The following ZNF335 variants were observed in gnomAD, a reference collection of about 807,000 sequenced individuals.
The protein encoded by ZNF335 is zinc finger protein 335, also known as NRC-interacting factor 1.
In ZNF335, 84 loss-of-function variants were observed where a neutral mutation model predicts 145.6. The ratio of observed to expected loss-of-function variants is 0.58; its 90% CI spans 0.48 to 0.69. The LOEUF is 0.69. ZNF335 is among the 30% of genes least tolerant of loss of function. The probability of loss-of-function intolerance (pLI) is 0.00; values close to 1 mark genes in which losing one functional copy is unlikely to be tolerated. For missense variants in ZNF335, 1,865 were observed against 1,809.7 expected (o/e 1.03, Z -0.55); for synonymous variants, 761 against 717.0 (o/e 1.06, Z -0.98).
intron 24 of ZNF335, 80 bp downstream of exon 24, chr20:45,949,720 A>G: frequency 4.5e-6 from 7 of 1,553,316 alleles, no homozygotes; most frequent in Non-Finnish European, 5.3e-6. Context: ...TGGTTTGGAA[A>G]GTATCATTCC....
At position 45,948,963 on chromosome 20, in the gene ZNF335, G is replaced by A. The variant is rs748164056; in HGVS notation, c.4019C>T (p.Ala1340Val). 43 of 1,613,810 alleles carry A rather than the reference G, an allele frequency of 2.7e-5. No homozygotes were observed. The highest frequency in any genetic ancestry group is 3.6e-5 in the Non-Finnish European group (43 of 1,180,044). The stretch of plus-strand genomic sequence containing the variant: ...TTGGGCCCTCGGGGCTCAGTCATCG[G>A]CCAGGGTGATGACGTCGTACTCGAT... ...QGIEYDVITL[A>V]DD The change falls in exon 28 of 28, where the codon GCC becomes GTC. Residue 1340 changes from alanine to valine, a missense_variant. Coordinates refer to ENST00000322927, the MANE Select transcript of ZNF335 (RefSeq NM_022095.4).
At chr20:45,966,357 C>T (rs372698961) in intron 6 of ZNF335, among the ~76,000 whole-genome samples, 45 of 151,082 alleles carry the variant, frequency 3.0e-4, no homozygotes, top group African/African-American at 1.0e-3. Context: ...AGATTACAGG[C>T]GTGAGCCACT....
At chr20:45,950,995 C>T (rs1176079435) in intron 20 of ZNF335, among the ~76,000 whole-genome samples, 17 of 152,088 alleles carry the variant, frequency 1.1e-4, no homozygotes, top group East Asian at 1.9e-4. Flanking sequence ...TGGGTTCAAG[C>T]GATTCTCCCG....
At position 45,967,198 on chromosome 20, in the gene ZNF335, A is replaced by G. The variant is rs371331652; in HGVS notation, c.955+296T>C. ...TTCAAGGTAACAGTGAGCAACGATCATGATGCTACACTCCAGTCTGAGCAA... is the reference window on the plus strand; with the variant it reads ...TTCAAGGTAACAGTGAGCAACGATCGTGATGCTACACTCCAGTCTGAGCAA... On this transcript the variant is annotated intron_variant, in intron 6 of 27. Transcript: ENST00000322927. The G allele has an allele frequency of 2.9e-4, 114 of 397,066 alleles. No homozygotes were observed. The East Asian group carries it at 3.6e-3, about 12-fold the overall frequency. The allele number at this position is 397,066 out of a possible 1,614,324, so 24.6% of individuals were successfully genotyped here. A position where few individuals can be genotyped will look rare whatever the true frequency, so the allele number is the denominator to read the frequency against.
intron 3 of ZNF335, among the ~76,000 whole-genome samples, chr20:45,969,037 C>T (rs1221433952): frequency 6.6e-6 from 1 of 152,178 alleles, no homozygotes; most frequent in African/African-American, 2.4e-5. Context: ...ACTGTCTGAG[C>T]TCATGGCCCG....
In ZNF335 at chr20:45,949,543, C is replaced by T; in HGVS notation, c.3695G>A (p.Gly1232Asp). The change falls in exon 25 of 28, where the codon GGT becomes GAT. Residue 1232 changes from glycine to aspartate, a missense_variant. Coordinates refer to ENST00000322927, the MANE Select transcript of ZNF335 (RefSeq NM_022095.4). ...TTCCTGGGGGAGCAGGTGCTGGACA[C>T]CATCCTGGGAGATGATATACTGCAC... ...NQVQYIISQDGVQHLLPQEYV... is the reference protein window; with the variant it reads ...NQVQYIISQDDVQHLLPQEYV... 6.2e-7 allele frequency: 1 copy of T among 1,613,050 alleles called. No homozygotes were observed. Among genetic ancestry groups the T allele is most frequent in the Non-Finnish European group, 8.5e-7 (1 of 1,179,854 alleles).
Position 45,950,500 on chromosome 20 carries a change from C to G in ZNF335, c.3285G>C (p.Leu1095=), listed in dbSNP as rs577626424. ...CAAAAGGCTTCTCCTTTGTGTGAGT[C>G]AGCATGTGCCGACGCAGGTCCTTCT... The part of the protein sequence containing the change: ...KNKKDLRRHM[L]THTKEKPFAC... Residue 1095 remains leucine, a synonymous_variant, in exon 21 of 28, where the codon CTG becomes CTC. Coordinates refer to ENST00000322927, the MANE Select transcript of ZNF335 (RefSeq NM_022095.4). The G allele has an allele frequency of 3.1e-6, 5 of 1,614,224 alleles. No homozygotes were observed. In the Admixed American group the frequency reaches 6.7e-5, roughly 22 times the overall value.
rs762395520 is a variant in ZNF335, at chr20:45,971,195, C to G, written c.201+15G>C. ...GGTCCTTGCCTCCACCCACGCCGTC[C>G]AGCCGGGTCCATACCTGAGAACGGC... On this transcript the variant is annotated intron_variant, in intron 2 of 27. Coordinates refer to ENST00000322927, the MANE Select transcript of ZNF335 (RefSeq NM_022095.4). The G allele has an allele frequency of 6.6e-7, 1 of 1,518,338 alleles. No individual in the cohort carries two copies. Among genetic ancestry groups the G allele is most frequent in the Non-Finnish European group, 8.8e-7 (1 of 1,134,302 alleles). The allele number at this position is 1,518,338 out of a possible 1,614,324, so 94.1% of individuals were successfully genotyped here. A position where few individuals can be genotyped will look rare whatever the true frequency, so the allele number is the denominator to read the frequency against.
intron 9 of ZNF335, 80 bp downstream of exon 9, chr20:45,963,393 T>A (rs1487871150): frequency 6.7e-7 from 1 of 1,496,242 alleles, no homozygotes; most frequent in Non-Finnish European, 9.1e-7. Context: ...TGTGACTCCA[T>A]TCTCCCTCAG....
Position 45,960,064 on chromosome 20 carries a change from A to T in ZNF335, c.2020+144T>A, listed in dbSNP as rs947139290. On this transcript the variant is annotated intron_variant, in intron 14 of 27. Transcript: ENST00000322927. ...AGGTTAGGGTGAATACGCCTATGGGAAATTCTCTTTACACTTGAAGGACTT... is the reference window on the plus strand; with the variant it reads ...AGGTTAGGGTGAATACGCCTATGGGTAATTCTCTTTACACTTGAAGGACTT... 1.0e-5 allele frequency: 10 copies of T among 991,226 alleles called. No individual in the cohort carries two copies. The African/African-American group carries it at 1.5e-4, about 15-fold the overall frequency. The allele number at this position is 991,226 out of a possible 1,614,324, so 61.4% of individuals were successfully genotyped here. A position where few individuals can be genotyped will look rare whatever the true frequency, so the allele number is the denominator to read the frequency against.
Position 45,950,594 on chromosome 20 carries a change from G to A in ZNF335, c.3191C>T (p.Ala1064Val), listed in dbSNP as rs563117651. Reference protein sequence around the residue: ...FSARQWPEVRAHMAQHSSLRP... With the variant: ...FSARQWPEVRVHMAQHSSLRP... ...TAGGCTTGAGTGCTGTGCCATGTGCGCCTGCAGAGAGGGCAGAGTTGGGGG... is the reference window on the plus strand; with the variant it reads ...TAGGCTTGAGTGCTGTGCCATGTGCACCTGCAGAGAGGGCAGAGTTGGGGG... Residue 1064 changes from alanine (A) to valine (V), a missense_variant and splice_region_variant, in exon 21 of 28, where the codon GCG (alanine) becomes GTG (valine). Transcript: ENST00000322927. The A allele has an allele frequency of 1.7e-5, 28 of 1,613,880 alleles. No individual in the cohort carries two copies. The highest frequency in any genetic ancestry group is 4.0e-5 in the African/African-American group (3 of 75,046).
chr20:45,949,277 C>T (rs771016780), intron 26 of ZNF335, 26 bp from the exon 27 acceptor site: 2 of 1,613,936 alleles, frequency 1.2e-6, no homozygotes, highest in South Asian at 1.1e-5. Context: ...TGATAAGATG[C>T]TGGCCTGGAG....
intron 6 of ZNF335, among the ~76,000 whole-genome samples, chr20:45,966,027 G>T (rs192264480): frequency 3.5e-4 from 54 of 152,202 alleles, no homozygotes; most frequent in African/African-American, 1.3e-3. Context: ...TAGGGAAAAG[G>T]CAACCCTTCC....
chr20:45,965,822 C>G, intron 6 of ZNF335, 48 bp from the exon 7 acceptor site: 1 of 1,565,140 alleles, frequency 6.4e-7, no homozygotes. Flanking sequence ...GGGACCTGCC[C>G]TTTCAGCCCT....
At chr20:45,949,678 C>A in intron 24 of ZNF335, 110 bp from the exon 25 acceptor site, 1 of 1,431,802 alleles carries the variant, frequency 7.0e-7, no homozygotes, top group South Asian at 1.2e-5. Flanking sequence ...AGCAACAATG[C>A]AGTTGTTGGC....
In ZNF335 at chr20:45,967,220, G is replaced by A. The variant is rs1447318512; in HGVS notation, c.955+274C>T. 8.3e-6 allele frequency: 4 copies of A among 482,156 alleles called. No individual in the cohort carries two copies. The Admixed American group carries it at 1.3e-4, about 16-fold the overall frequency. The allele number at this position is 482,156 out of a possible 1,614,324, so 29.9% of individuals were successfully genotyped here. On this transcript the variant is annotated intron_variant, in intron 6 of 27. Transcript: ENST00000322927. Reference sequence around the variant, plus strand: ...ATCATGATGCTACACTCCAGTCTGAGCAACAGGGCGAGGACCTCCTCTCGC... The same window carrying A: ...ATCATGATGCTACACTCCAGTCTGAACAACAGGGCGAGGACCTCCTCTCGC...
rs746881613 is a variant in ZNF335 at position 45,952,419 on chromosome 20, C to T, written c.2917G>A (p.Glu973Lys). 10 of 1,578,998 alleles carry T rather than the reference C, an allele frequency of 6.3e-6. No individual in the cohort carries two copies. Among genetic ancestry groups the T allele is most frequent in the Non-Finnish European group, 6.9e-6 (8 of 1,159,390 alleles). Residue 973 changes from glutamate (E) to lysine (K), a missense_variant, in exon 20 of 28, where the codon GAG (glutamate) becomes AAG (lysine). Glu to Lys is a moderately conservative substitution (Grantham distance 56). Transcript: ENST00000322927. Reference protein sequence around the residue: ...QCGGLPRDGPEPPSPAKTHCV... With the variant: ...QCGGLPRDGPKPPSPAKTHCV... ...TGGGTCTTGGCTGGAGATGGGGGCT[C>T]AGGGCCGTCTCTGGGCAGTCCCCCA...
intron 18 of ZNF335, among the ~76,000 whole-genome samples, 186 bp downstream of exon 18, chr20:45,953,503 G>T (rs2083671084): frequency 6.6e-6 from 1 of 152,188 alleles, no homozygotes. Flanking sequence ...CCAAGTGCTT[G>T]GAATATCTAA....
chr20:45,969,730 C>A, intron 2 of ZNF335, 39 bp from the exon 3 acceptor site: 2 of 1,602,278 alleles, frequency 1.2e-6, no homozygotes, highest in Non-Finnish European at 1.7e-6. Context: ...AGTTTAGCAG[C>A]TGGGTATGGG....
Sources: allele counts gnomAD v4.1 joint callset (sites outside exome capture counted in the v4.1 genomes callset), GRCh38; gene constraint gnomAD v4.1.1; transcripts MANE v1.5; gene names NCBI Gene and HGNC (gene_info 2026-07-23, HGNC 2026-07-21).